PKHD1: variants seen among roughly 807,000 people sequenced by gnomAD.
The protein encoded by PKHD1 is fibrocystin.
A neutral mutation model predicts 412.0 loss-of-function variants in PKHD1; 291 were observed. That is an observed-to-expected ratio of 0.71 (90% CI 0.64 to 0.78). The LOEUF (loss-of-function observed/expected upper bound fraction) is 0.78, where lower values mean the gene tolerates loss of function less well. Ranked by LOEUF, PKHD1 falls within the 30% of genes least tolerant of loss-of-function variation. The probability of loss-of-function intolerance (pLI) is 0.00; values close to 1 mark genes in which losing one functional copy is unlikely to be tolerated. For synonymous variants in PKHD1, 1,777 were observed against 1,821.5 expected (o/e 0.98, Z 0.62); for missense variants, 4,825 against 4,950.7 (o/e 0.97, Z 0.76).
intron 48 of PKHD1, among the ~76,000 whole-genome samples, chr6:51,863,748 T>C (rs1054372680): frequency 6.6e-6 from 1 of 152,140 alleles, no homozygotes; most frequent in African/African-American, 2.4e-5. Flanking sequence ...TACTCCTGGG[T>C]CTTCTGAAGA....
At chr6:51,981,326 T>TC (rs1445740704) in intron 35 of PKHD1, among the ~76,000 whole-genome samples, 1 of 18,058 alleles carries the variant, frequency 5.5e-5, no homozygotes, top group African/African-American at 1.3e-4. Context: ...CCTCTCCCTC[T>TC]CCCTCTCCCT....
intron 63 of PKHD1, among the ~76,000 whole-genome samples, chr6:51,644,124 G>C (rs1769760237): frequency 6.6e-6 from 1 of 151,798 alleles, no homozygotes; most frequent in Non-Finnish European, 1.5e-5. Context: ...TTTTAGAAGG[G>C]GATAATTTCA....
At chr6:51,841,913 G>A (rs1422011882) in intron 50 of PKHD1, among the ~76,000 whole-genome samples, 1 of 152,226 alleles carries the variant, frequency 6.6e-6, no homozygotes, top group African/African-American at 2.4e-5. Context: ...GACAGGATCA[G>A]GAGCCTAGGC....
In PKHD1 at chr6:51,831,118, T is replaced by A. The variant is rs138596797; in HGVS notation, c.8174-129A>T. ...TGCCTATCAATATTTTATAAGTTTC[T>A]GTACAAATATTTATCAGTTAAAAAG... On this transcript the variant is annotated intron_variant, in intron 51 of 66. Coordinates refer to ENST00000371117, the MANE Select transcript of PKHD1 (RefSeq NM_138694.4). 630 of 698,276 alleles carry A rather than the reference T, an allele frequency of 9.0e-4. 2 individuals are homozygous for A. In the African/African-American group the frequency reaches 0.01, roughly 11 times the overall value. 43.3% of individuals were successfully genotyped at this position (698,276 alleles called of 1,614,324 possible).
intron 61 of PKHD1, among the ~76,000 whole-genome samples, chr6:51,650,881 A>G (rs1375063773): frequency 6.6e-6 from 1 of 152,146 alleles, no homozygotes; most frequent in Non-Finnish European, 1.5e-5. Flanking sequence ...AAAGGGAACA[A>G]TTTAAACCAG....
At chr6:52,048,744 G>C in intron 22 of PKHD1, 125 bp from the exon 23 acceptor site, 2 of 1,101,112 alleles carry the variant, frequency 1.8e-6, no homozygotes, top group Non-Finnish European at 2.7e-6. Context: ...GGGACCTGAG[G>C]AAACTCAGTA....
intron 46 of PKHD1, among the ~76,000 whole-genome samples, chr6:51,874,382 A>G (rs952777829): frequency 2.0e-5 from 3 of 152,196 alleles, no homozygotes; most frequent in Non-Finnish European, 4.4e-5. Context: ...CATGCTATAT[A>G]GCACATGTCT....
chr6:51,697,380 G>A (rs531147896), intron 60 of PKHD1, among the ~76,000 whole-genome samples: 7 of 152,266 alleles, frequency 4.6e-5, no homozygotes, highest in Admixed American at 4.6e-4. Flanking sequence ...GGTCTCTTGT[G>A]AAAATCCCAT....
intron 60 of PKHD1, among the ~76,000 whole-genome samples, chr6:51,680,524 A>G (rs1776505818): frequency 6.6e-6 from 1 of 152,066 alleles, no homozygotes; most frequent in South Asian, 2.1e-4. Context: ...TAGTCCAGGT[A>G]TATGTTCTAT....
Position 51,991,309 on chromosome 6 carries a change from G to A in PKHD1, c.5751+19000C>T, listed in dbSNP as rs891607511. On this transcript the variant is annotated intron_variant, in intron 35 of 66. Transcript: ENST00000371117. ...AGACTCAAAGGAAAACTTGGTTTAT[G>A]TGTATTGTGCTCTAATTTTTAATAC... Among the ~76,000 whole-genome samples the A allele has an allele frequency of 3.3e-5, 5 of 152,326 alleles. No homozygotes were observed. In the East Asian group the frequency reaches 7.7e-4, roughly 24 times the overall value.
At chr6:51,953,632 C>G (rs1723368604) in intron 36 of PKHD1, among the ~76,000 whole-genome samples, 1 of 151,624 alleles carries the variant, frequency 6.6e-6, no homozygotes, top group African/African-American at 2.4e-5. Flanking sequence ...TCATTTAATA[C>G]CTCACTCTGA....
chr6:51,853,048 C>T (rs1162203544), intron 49 of PKHD1, among the ~76,000 whole-genome samples: 5 of 152,012 alleles, frequency 3.3e-5, no homozygotes, highest in African/African-American at 4.8e-5. Context: ...TGGCTGGTAC[C>T]GGTTTTTCCT....
chr6:51,786,469 A>G (rs567341809), intron 53 of PKHD1, among the ~76,000 whole-genome samples: 5 of 152,186 alleles, frequency 3.3e-5, no homozygotes, highest in Non-Finnish European at 5.9e-5. Context: ...TTCCTTGCTT[A>G]AAACTATCCA....
At chr6:51,777,520 A>C (rs1239956651) in intron 53 of PKHD1, among the ~76,000 whole-genome samples, 1 of 152,072 alleles carries the variant, frequency 6.6e-6, no homozygotes, top group Non-Finnish European at 1.5e-5. Context: ...AGTGAAAATA[A>C]AGATGTGCTA....
At chr6:51,848,191 T>C (rs1469414512) in intron 49 of PKHD1, among the ~76,000 whole-genome samples, 1 of 152,158 alleles carries the variant, frequency 6.6e-6, no homozygotes, top group Non-Finnish European at 1.5e-5. Context: ...AATCAGACTA[T>C]GAAGACTGAA....
intron 55 of PKHD1, among the ~76,000 whole-genome samples, chr6:51,772,480 A>G (rs1790310177): frequency 6.6e-6 from 1 of 151,866 alleles, no homozygotes; most frequent in African/African-American, 2.4e-5. Flanking sequence ...TTTTCTCCTG[A>G]AATAAACTGT....
At chr6:51,866,975 C>T (rs1321508) in intron 48 of PKHD1, among the ~76,000 whole-genome samples, 140,035 of 152,198 alleles carry the variant, frequency 0.92, 64,644 homozygotes, top group East Asian at 0.99. Context: ...ACCAGTGCAT[C>T]GCTAAGGCTT....
intron 53 of PKHD1, among the ~76,000 whole-genome samples, chr6:51,787,876 A>C (rs749678956): frequency 2.0e-5 from 3 of 152,240 alleles, no homozygotes; most frequent in Non-Finnish European, 2.9e-5. Flanking sequence ...CAATCTTAGC[A>C]ATAAAAGATA....
Position 51,711,556 on chromosome 6 carries a change from T to C in PKHD1, c.10156+32829A>G, listed in dbSNP as rs185381117. Among the ~76,000 whole-genome samples the C allele has an allele frequency of 3.9e-5, 6 of 152,348 alleles. No individual in the cohort carries two copies. In the South Asian group the frequency reaches 1.0e-3, roughly 26 times the overall value. Reference sequence around the variant, plus strand: ...TGAATAGCAGAGCTATCTGCATCTGTAGGGTCTCAGGACCATGTTGAGAAT... The same window carrying C: ...TGAATAGCAGAGCTATCTGCATCTGCAGGGTCTCAGGACCATGTTGAGAAT... On this transcript the variant is annotated intron_variant, in intron 60 of 66. Coordinates refer to ENST00000371117, the MANE Select transcript of PKHD1 (RefSeq NM_138694.4).
Sources: allele counts gnomAD v4.1 joint callset (sites outside exome capture counted in the v4.1 genomes callset), GRCh38; gene constraint gnomAD v4.1.1; transcripts MANE v1.5; gene names NCBI Gene and HGNC (gene_info 2026-07-23, HGNC 2026-07-21).